The following TTC28 variants were observed in gnomAD, a reference collection of about 807,000 sequenced individuals.
TTC28 encodes tetratricopeptide repeat domain 28.
A neutral mutation model predicts 198.0 loss-of-function variants in TTC28; 61 were observed. The ratio of observed to expected loss-of-function variants is 0.31; its 90% CI spans 0.25 to 0.38. The LOEUF is 0.38. Among genes scored for constraint, TTC28 ranks in the 10% least tolerant of loss-of-function variants. The pLI, the probability that TTC28 is intolerant of heterozygous loss-of-function variation, is 1.00. For missense variants in TTC28, 2,678 were observed against 3,164.0 expected, an observed-to-expected ratio of 0.85 and a Z score of 3.69; for synonymous variants, 1,171 against 1,297.8, an observed-to-expected ratio of 0.90 and a Z score of 2.10.
chr22:28,413,424 A>T (rs536570244), intron 2 of TTC28, among the ~76,000 whole-genome samples: 7 of 149,524 alleles, frequency 4.7e-5, no homozygotes, highest in South Asian at 4.3e-4. Context: ...TCTTAAAATT[A>T]AAAAAAAAAG....
intron 2 of TTC28, among the ~76,000 whole-genome samples, chr22:28,537,190 G>A (rs1161923377): frequency 6.6e-6 from 1 of 151,488 alleles, no homozygotes; most frequent in Non-Finnish European, 1.5e-5. Context: ...CTACTCGGGA[G>A]GCCGAGGCAG....
At chr22:28,174,366 T>G (rs1345253099) in intron 5 of TTC28, among the ~76,000 whole-genome samples, 5 of 152,170 alleles carry the variant, frequency 3.3e-5, no homozygotes, top group Non-Finnish European at 7.4e-5. Flanking sequence ...AATACGCACT[T>G]AGCTTTTATT....
At chr22:28,468,872 G>C (rs2048062327) in intron 2 of TTC28, among the ~76,000 whole-genome samples, 1 of 151,710 alleles carries the variant, frequency 6.6e-6, no homozygotes, top group African/African-American at 2.4e-5. Context: ...TTATAAGACT[G>C]GCTCTCATTT....
chr22:28,578,483 T>C (rs949055282), intron 2 of TTC28, among the ~76,000 whole-genome samples: 3 of 152,238 alleles, frequency 2.0e-5, no homozygotes, highest in South Asian at 4.1e-4. Context: ...GGGAGCAAGA[T>C]GGCTGAATAG....
chr22:28,217,382 T>C lies in TTC28; in HGVS notation c.934-53783A>G, dbSNP rs371711124. ...TATCCAATGAGTTTTGCCATATACCTATTACATCAGTTCAGCCAAGTCACA... is the reference window on the plus strand; with the variant it reads ...TATCCAATGAGTTTTGCCATATACCCATTACATCAGTTCAGCCAAGTCACA... On this transcript the variant is annotated intron_variant, in intron 5 of 22. Coordinates refer to ENST00000397906, the MANE Select transcript of TTC28 (RefSeq NM_001145418.2). Among the ~76,000 whole-genome samples the C allele has an allele frequency of 5.9e-5, 9 of 152,244 alleles. No individual in the cohort carries two copies. The East Asian group carries it at 1.7e-3, about 29-fold the overall frequency.
chr22:28,431,554 TA>T (rs1359038769), intron 2 of TTC28, among the ~76,000 whole-genome samples: 1 of 152,254 alleles, frequency 6.6e-6, no homozygotes, highest in African/African-American at 2.4e-5. Flanking sequence ...AATAATCTGT[TA>T]ACTTAAGATC....
At chr22:28,562,664 T>C (rs1270793830) in intron 2 of TTC28, among the ~76,000 whole-genome samples, 1 of 151,924 alleles carries the variant, frequency 6.6e-6, no homozygotes, top group Non-Finnish European at 1.5e-5. Context: ...CCCACACTAG[T>C]AACATAAAGA....
In TTC28 at chr22:28,094,180, C is replaced by T. The variant is rs1941902325; in HGVS notation, c.3832G>A (p.Ala1278Thr). ...GTTGGAAGGGTTACACTGCTGCTGG[C>T]CTGGAAGTCACTTGAGTTTTCCACT... Reference protein sequence around the residue: ...NTVENSSDFQASSSVTLPTAT... With the variant: ...NTVENSSDFQTSSSVTLPTAT... The change falls in exon 12 of 23, where the codon GCC (alanine) becomes ACC (threonine). Residue 1278 changes from alanine to threonine, a missense_variant. Coordinates refer to ENST00000397906, the MANE Select transcript of TTC28 (RefSeq NM_001145418.2). 6.4e-7 allele frequency: 1 copy of T among 1,551,476 alleles called. No homozygotes were observed. Among genetic ancestry groups the T allele is most frequent in the Non-Finnish European group, 8.7e-7 (1 of 1,146,948 alleles).
At chr22:28,537,785 C>T (rs996584547) in intron 2 of TTC28, among the ~76,000 whole-genome samples, 2 of 152,122 alleles carry the variant, frequency 1.3e-5, no homozygotes, top group Non-Finnish European at 2.9e-5. Context: ...TCTATATGTT[C>T]GCTATCAGAC....
chr22:28,469,443 G>A (rs1257977788), intron 2 of TTC28, among the ~76,000 whole-genome samples: 2 of 152,074 alleles, frequency 1.3e-5, no homozygotes, highest in South Asian at 2.1e-4. Context: ...TATGGCAAGA[G>A]GTACTTTGCA....
chr22:28,663,234 C>G (rs1177044605), intron 1 of TTC28, among the ~76,000 whole-genome samples: 1 of 142,486 alleles, frequency 7.0e-6, no homozygotes, highest in African/African-American at 2.6e-5. Flanking sequence ...GGAGACAGAG[C>G]GAAACTCCGT....
chr22:28,486,787 A>T (rs1268281104), intron 2 of TTC28, among the ~76,000 whole-genome samples: 1 of 152,140 alleles, frequency 6.6e-6, no homozygotes, highest in East Asian at 1.9e-4. Flanking sequence ...CTCCATTTTC[A>T]CGTAGGTACA....
chr22:28,172,968 T>C (rs1922824448), intron 5 of TTC28, among the ~76,000 whole-genome samples: 1 of 152,212 alleles, frequency 6.6e-6, no homozygotes, highest in African/African-American at 2.4e-5. Context: ...AAGCAGTGCA[T>C]GTGAGTGCCT....
At chr22:28,252,301 A>C (rs1389206688) in intron 5 of TTC28, among the ~76,000 whole-genome samples, 1 of 152,210 alleles carries the variant, frequency 6.6e-6, no homozygotes, top group Non-Finnish European at 1.5e-5. Flanking sequence ...TCTAATCATC[A>C]TTTTAACCTG....
intron 2 of TTC28, among the ~76,000 whole-genome samples, chr22:28,479,490 A>G (rs1302751421): frequency 6.6e-6 from 1 of 152,208 alleles, no homozygotes; most frequent in East Asian, 1.9e-4. Flanking sequence ...AGAGGATGAC[A>G]AATCTGAACC....
intron 12 of TTC28, among the ~76,000 whole-genome samples, chr22:28,091,804 A>G (rs997943259): frequency 2.0e-5 from 3 of 152,248 alleles, no homozygotes; most frequent in Admixed American, 2.0e-4. Context: ...AAGAGTAAAC[A>G]ACAGAGTATA....
At chr22:28,589,763 G>T (rs993191672) in intron 2 of TTC28, among the ~76,000 whole-genome samples, 4 of 152,120 alleles carry the variant, frequency 2.6e-5, no homozygotes, top group Admixed American at 1.3e-4. Flanking sequence ...AAAACGGTCG[G>T]GCATGGTGGC....
intron 5 of TTC28, among the ~76,000 whole-genome samples, chr22:28,267,391 CT>C (rs1379399810): frequency 6.6e-6 from 1 of 152,140 alleles, no homozygotes; most frequent in Non-Finnish European, 1.5e-5. Context: ...AAATCTATTC[CT>C]TTTAATAGTC....
At chr22:28,237,208 G>T (rs948623565) in intron 5 of TTC28, among the ~76,000 whole-genome samples, 3 of 151,664 alleles carry the variant, frequency 2.0e-5, no homozygotes, top group African/African-American at 7.3e-5. Flanking sequence ...CTTTCTCAAT[G>T]GTTGCTCTCC....
Sources: allele counts gnomAD v4.1 joint callset (sites outside exome capture counted in the v4.1 genomes callset), GRCh38; gene constraint gnomAD v4.1.1; transcripts MANE v1.5; gene names NCBI Gene and HGNC (gene_info 2026-07-23, HGNC 2026-07-21).